Variants in F13A1 observed in about 807,000 individuals in gnomAD.
F13A1 encodes FSF, A subunit.
A neutral mutation model predicts 80.1 loss-of-function variants in F13A1; 47 were observed. The observed-to-expected ratio is 0.59, with a 90% confidence interval of 0.46 to 0.75. The LOEUF is 0.75. F13A1 is among the 30% of genes least tolerant of loss of function. The pLI is 0.00. For missense variants in F13A1, 817 were observed against 930.4 expected (o/e 0.88, Z 1.59); for synonymous variants, 349 against 344.9 (o/e 1.01, Z -0.13).
chr6:6,280,528 G>A (rs758520155), intron 3 of F13A1, among the ~76,000 whole-genome samples: 5 of 151,922 alleles, frequency 3.3e-5, no homozygotes, highest in South Asian at 2.1e-4. Context: ...GTTGATTACC[G>A]CTTATATTTA....
chr6:6,248,174 G>A (rs1027348731), intron 6 of F13A1, 138 bp downstream of exon 6: 2 of 762,298 alleles, frequency 2.6e-6, no homozygotes, highest in Non-Finnish European at 4.6e-6. Flanking sequence ...GCTATAACTG[G>A]GTGTCAGAAG....
At position 6,300,816 on chromosome 6, in the gene F13A1, G is replaced by C. The variant is rs117389523; in HGVS notation, c.319+4535C>G. Among the ~76,000 whole-genome samples, 77 of 123,142 alleles carry C rather than the reference G, an allele frequency of 6.3e-4. 1 individual carries two copies. The East Asian group carries it at 0.016, about 26-fold the overall frequency. 80.8% of individuals were successfully genotyped at this position (123,142 alleles called of 152,430 possible). On this transcript the variant is annotated intron_variant, in intron 3 of 14. Transcript: ENST00000264870. ...TATTTTTAACAAAGTATTTATTCTCGTCTGTTTTTTTTTTTAATTTATGTT... is the reference window on the plus strand; with the variant it reads ...TATTTTTAACAAAGTATTTATTCTCCTCTGTTTTTTTTTTTAATTTATGTT...
At chr6:6,228,561 C>T (rs1757308476) in intron 6 of F13A1, among the ~76,000 whole-genome samples, 2 of 151,904 alleles carry the variant, frequency 1.3e-5, no homozygotes, top group Admixed American at 6.6e-5. Flanking sequence ...TGGTGAAACC[C>T]CATCTCTACT....
At chr6:6,287,488 AAG>A (rs10657268) in intron 3 of F13A1, among the ~76,000 whole-genome samples, 1 of 151,976 alleles carries the variant, frequency 6.6e-6, no homozygotes, top group Admixed American at 6.6e-5. Flanking sequence ...GGGAATAGGA[AAG>A]AGGGGAGAAA....
chr6:6,164,025 T>A (rs549236394), intron 13 of F13A1, among the ~76,000 whole-genome samples: 1 of 152,306 alleles, frequency 6.6e-6, no homozygotes, highest in Admixed American at 6.5e-5. Context: ...TATGAGATGG[T>A]ATCTCATGGT....
At chr6:6,160,950 A>G (rs1225566866) in intron 13 of F13A1, among the ~76,000 whole-genome samples, 2 of 152,048 alleles carry the variant, frequency 1.3e-5, no homozygotes, top group African/African-American at 2.4e-5. Flanking sequence ...TTCTCCTAGC[A>G]AAATTGTTCC....
chr6:6,318,578 T>C lies in F13A1; in HGVS notation c.87A>G (p.Thr29=), dbSNP rs768990822. 3.7e-6 allele frequency: 6 copies of C among 1,612,956 alleles called. No homozygotes were observed. The highest frequency in any genetic ancestry group is 1.6e-4 in the Middle Eastern group (1 of 6,072). The stretch of plus-strand genomic sequence containing the variant: ...GGGGCACCACGCCCTGAAGCTCCAC[T>C]GTGGGCAGGTCATCTTCCGCTGCAT... ...NSNAAEDDLP[T]VELQGVVPRG... The change falls in exon 2 of 15, where the codon ACA becomes ACG. Residue 29 remains threonine (T), a synonymous_variant. Coordinates refer to ENST00000264870, the MANE Select transcript of F13A1 (RefSeq NM_000129.4).
intron 13 of F13A1, among the ~76,000 whole-genome samples, chr6:6,161,732 T>A (rs1760580104): frequency 6.6e-6 from 1 of 152,136 alleles, no homozygotes; most frequent in Non-Finnish European, 1.5e-5. Flanking sequence ...CATGTGAGGA[T>A]CACACACTCT....
At chr6:6,270,440 T>G (rs1172542811) in intron 3 of F13A1, among the ~76,000 whole-genome samples, 1 of 152,220 alleles carries the variant, frequency 6.6e-6, no homozygotes, top group Non-Finnish European at 1.5e-5. Flanking sequence ...TTTTATTGAT[T>G]TTATGATTCA....
intron 3 of F13A1, among the ~76,000 whole-genome samples, chr6:6,289,744 C>A (rs999851640): frequency 3.9e-5 from 6 of 152,096 alleles, no homozygotes; most frequent in African/African-American, 1.4e-4. Flanking sequence ...AGAATTACAT[C>A]TAAACTTCTT....
chr6:6,145,880 G>T (rs563117166), intron 14 of F13A1, 108 bp from the exon 15 acceptor site: 6 of 1,468,562 alleles, frequency 4.1e-6, no homozygotes, highest in Non-Finnish European at 4.7e-6. Flanking sequence ...CTCTCAGTTG[G>T]TGCTTAGGAC....
At chr6:6,265,755 C>T (rs765031159) in intron 4 of F13A1, among the ~76,000 whole-genome samples, 48 of 152,308 alleles carry the variant, frequency 3.2e-4, no homozygotes, top group Admixed American at 2.0e-4. Context: ...GATATACAGA[C>T]TTTCTGTTCT....
chr6:6,260,750 C>A (rs747771886), intron 4 of F13A1, among the ~76,000 whole-genome samples: 1 of 152,022 alleles, frequency 6.6e-6, no homozygotes, highest in Non-Finnish European at 1.5e-5. Context: ...TGGAAGAGAT[C>A]AAGCAACAAA....
At chr6:6,262,673 C>T (rs144611193) in intron 4 of F13A1, among the ~76,000 whole-genome samples, 6 of 151,082 alleles carry the variant, frequency 4.0e-5, no homozygotes, top group African/African-American at 1.5e-4. Context: ...CTTGCTGCTG[C>T]TTCTCAACAC....
At chr6:6,177,493 C>A (rs1176789941) in intron 11 of F13A1, among the ~76,000 whole-genome samples, 5 of 152,210 alleles carry the variant, frequency 3.3e-5, no homozygotes, top group Non-Finnish European at 7.3e-5. Flanking sequence ...TGAAACCCAG[C>A]CTGGCACAGA....
chr6:6,171,597 C>T (rs1267645479), intron 12 of F13A1, among the ~76,000 whole-genome samples: 2 of 152,186 alleles, frequency 1.3e-5, no homozygotes, highest in African/African-American at 2.4e-5. Context: ...TCTAACCTTC[C>T]GCCCTACTTC....
intron 6 of F13A1, among the ~76,000 whole-genome samples, chr6:6,231,107 G>A (rs184332387): frequency 7.0e-4 from 107 of 152,222 alleles, no homozygotes; most frequent in South Asian, 1.5e-3. Context: ...GAATTAAGGA[G>A]GTTAGTTATT....
intron 3 of F13A1, among the ~76,000 whole-genome samples, chr6:6,274,683 A>C (rs1757964389): frequency 6.6e-6 from 1 of 152,228 alleles, no homozygotes; most frequent in Admixed American, 6.5e-5. Context: ...AAACATTCCT[A>C]CAGCATGCCA....
intron 8 of F13A1, 55 bp downstream of exon 8, chr6:6,221,978 T>C: frequency 1.3e-6 from 2 of 1,587,658 alleles, no homozygotes; most frequent in Non-Finnish European, 1.7e-6. Context: ...TTGTGGTAAA[T>C]GTGTAACATT....
Sources: allele counts gnomAD v4.1 joint callset (sites outside exome capture counted in the v4.1 genomes callset), GRCh38; gene constraint gnomAD v4.1.1; transcripts MANE v1.5; gene names NCBI Gene and HGNC (gene_info 2026-07-23, HGNC 2026-07-21).